Variants in MTERF4 observed in about 807,000 individuals in gnomAD.
MTERF4 encodes the protein mitochondrial transcription termination factor 4, also known as transcription termination factor 4, mitochondrial.
Under a neutral mutation model 22.5 loss-of-function variants are expected in MTERF4, and 17 were observed. That is an observed-to-expected ratio of 0.75 (90% CI 0.52 to 1.13). The LOEUF is 1.13. Ranked by LOEUF, MTERF4 falls within the 50% of genes most tolerant of loss-of-function variation. The probability of loss-of-function intolerance (pLI) is 0.00; values close to 1 mark genes in which losing one functional copy is unlikely to be tolerated. For missense variants in MTERF4, 420 were observed against 466.8 expected (o/e 0.90, Z 0.92); for synonymous variants, 165 against 175.3 (o/e 0.94, Z 0.47).
chr2:241,049,811 C>T, the MTERF4 span: 2 of 1,611,232 alleles, frequency 1.2e-6, no homozygotes, highest in Admixed American at 1.7e-5. Flanking sequence ...TGTCCCCCGC[C>T]CCCAGCCCTG....
chr2:241,062,762 T>C, the MTERF4 span: 2 of 1,509,058 alleles, frequency 1.3e-6, no homozygotes, highest in Non-Finnish European at 1.8e-6. Context: ...GTGGCCACAT[T>C]GCTTTATTCT....
downstream of MTERF4, chr2:241,070,110 G>A (rs186778143): frequency 1.5e-3 from 2,419 of 1,612,826 alleles, 15 homozygotes; most frequent in African/African-American, 0.018. Context: ...ACCTGCTGCC[G>A]GGACGGCGGT....
chr2:241,055,504 C>A, the MTERF4 span, among the ~76,000 whole-genome samples: 2 of 152,084 alleles, frequency 1.3e-5, no homozygotes, highest in South Asian at 4.2e-4. Context: ...AGGGTGTAGA[C>A]AGTCACAGAA....
the MTERF4 span, chr2:241,065,636 C>A: frequency 1.6e-5 from 25 of 1,580,398 alleles, no homozygotes; most frequent in Non-Finnish European, 2.1e-5. Context: ...CCAGCCCCTG[C>A]CCCTCGAGGG....
chr2:241,076,857 C>T (rs1440863268), intron 4 of MTERF4, among the ~76,000 whole-genome samples: 2 of 152,148 alleles, frequency 1.3e-5, no homozygotes, highest in Non-Finnish European at 2.9e-5. Context: ...TTTGGGAGGC[C>T]GAGGCGGGCG....
Position 241,096,087 on chromosome 2 carries a change from C to T in MTERF4, c.1057G>A (p.Glu353Lys). The T allele has an allele frequency of 2.5e-6, 4 of 1,613,388 alleles. No homozygotes were observed. Among genetic ancestry groups the T allele is most frequent in the Non-Finnish European group, 2.5e-6 (3 of 1,179,698 alleles). Residue 353 changes from glutamate (E) to lysine (K), a missense_variant, in exon 4 of 4, where the codon GAG becomes AAG. Glu to Lys is a moderately conservative substitution (Grantham distance 56). Coordinates refer to ENST00000391980, the MANE Select transcript of MTERF4 (RefSeq NM_182501.4). The surrounding 1 kb of genome is among the most constrained non-coding windows in gnomAD (Gnocchi z 5.1). ...EDDDDEEDND[E>K]DDNDEDDDDE... ...TCGTCATCCTCATCATTGTCATCCT[C>T]ATCATTGTCCTCCTCATCATCGTCA...
Position 241,081,638 on chromosome 2 carries a change from G to A in MTERF4, n.480-5956C>T, listed in dbSNP as rs752958780. On this transcript the variant is annotated intron_variant and non_coding_transcript_variant, in intron 4 of 4. Transcript: ENST00000464344. ...ATGTCCATGAGGCAGGCCTGTCCTGGGGTTCCAGTGACTAACCTCTCGTGA... is the reference window on the plus strand; with the variant it reads ...ATGTCCATGAGGCAGGCCTGTCCTGAGGTTCCAGTGACTAACCTCTCGTGA... The A allele has an allele frequency of 3.4e-5, 49 of 1,451,862 alleles. No individual in the cohort carries two copies. The South Asian group carries it at 5.0e-4, about 15-fold the overall frequency. 89.9% of individuals were successfully genotyped at this position (1,451,862 alleles called of 1,614,324 possible).
chr2:241,087,609 C>T (rs534868158), downstream of MTERF4: 16 of 1,446,118 alleles, frequency 1.1e-5, no homozygotes, highest in East Asian at 4.1e-4. Context: ...TAGGCAGCCC[C>T]TGGGCAGCCA....
chr2:241,093,184 A>G (rs939539931), downstream of MTERF4: 9 of 152,650 alleles, frequency 5.9e-5, no homozygotes, highest in Admixed American at 5.9e-4. Context: ...TGAGAGCAGA[A>G]GGTGGAGCTC....
In MTERF4 at chr2:241,099,461, A is replaced by G; in HGVS notation, c.455T>C (p.Leu152Ser). ...CVVLKKSPQL[L>S]KLPIMQMRKR... Reference sequence around the variant, plus strand: ...CCTCATTTGCATAATAGGCAGTTTCAATAACTGGGGACTTTTCTTCAAGAC... The same window carrying G: ...CCTCATTTGCATAATAGGCAGTTTCGATAACTGGGGACTTTTCTTCAAGAC... The change falls in exon 2 of 4, where the codon TTG (leucine) becomes TCG (serine). Residue 152 changes from leucine to serine, a missense_variant. By Grantham distance (145) the Leu-to-Ser change is moderately radical (BLOSUM62 -2). Coordinates refer to ENST00000391980, the MANE Select transcript of MTERF4 (RefSeq NM_182501.4). 6.2e-7 allele frequency: 1 copy of G among 1,614,220 alleles called. No homozygotes were observed. Among genetic ancestry groups the G allele is most frequent in the Non-Finnish European group, 8.5e-7 (1 of 1,180,044 alleles).
chr2:241,079,690 C>T lies in MTERF4; in HGVS notation n.480-4008G>A, dbSNP rs1396548693. Among the ~76,000 whole-genome samples, 3 of 152,048 alleles carry T rather than the reference C, an allele frequency of 2.0e-5. 1 individual carries two copies. Among genetic ancestry groups the T allele is most frequent in the South Asian group, 4.1e-4 (2 of 4,822 alleles). On this transcript the variant is annotated intron_variant and non_coding_transcript_variant, in intron 4 of 4. Coordinates refer to the MTERF4 transcript ENST00000464344. The stretch of plus-strand genomic sequence containing the variant: ...AAAGGCAACACCTAAAAATTGAAAA[C>T]ATACTGAAATAAGTAAACCTAGTTA...
At chr2:241,042,631 T>C in the MTERF4 span, among the ~76,000 whole-genome samples, 7 of 152,180 alleles carry the variant, frequency 4.6e-5, 1 homozygote, top group South Asian at 1.5e-3. Context: ...TATGCTCCTA[T>C]AATCAAGATT....
chr2:241,065,022 A>G, the MTERF4 span: 17 of 1,261,976 alleles, frequency 1.3e-5, no homozygotes, highest in East Asian at 3.5e-4. Flanking sequence ...AGAGGGCCCA[A>G]CGGTCTCCAA....
chr2:241,079,649 A>C (rs561942800), intron 4 of MTERF4, among the ~76,000 whole-genome samples: 5 of 152,282 alleles, frequency 3.3e-5, no homozygotes, highest in East Asian at 1.9e-4. Flanking sequence ...AAAAGGTTTT[A>C]AAAACAATAA....
In MTERF4 at chr2:241,075,766, C is replaced by T. The variant is rs2062989894; in HGVS notation, n.480-84G>A. 6.6e-6 allele frequency: 1 copy of T among 152,082 alleles called. No individual in the cohort carries two copies. The highest frequency in any genetic ancestry group is 6.6e-5 in the Admixed American group (1 of 15,262). 9.4% of individuals were successfully genotyped at this position (152,082 alleles called of 1,614,324 possible). On this transcript the variant is annotated intron_variant and non_coding_transcript_variant, in intron 4 of 4. Transcript: ENST00000464344. This position sits in a 1 kb window ranked among gnomAD's most constrained non-coding sequence, Gnocchi z 4.8. The stretch of plus-strand genomic sequence containing the variant: ...GCCTTCTTTAAAAAATATCCTTCCC[C>T]ACACCAAAGTTAGAAAGTTATTCAT...
chr2:241,090,013 A>C (rs1575154119), downstream of MTERF4: 2 of 1,548,692 alleles, frequency 1.3e-6, no homozygotes, highest in Non-Finnish European at 1.7e-6. Flanking sequence ...TGGAATGCGC[A>C]GGACTGGCAG....
At chr2:241,063,972 C>T in the MTERF4 span, 1 of 1,428,200 alleles carries the variant, frequency 7.0e-7, no homozygotes, top group South Asian at 1.2e-5. Context: ...CCCCAGACTC[C>T]CCCCTTGCAG....
At chr2:241,065,622 C>G in the MTERF4 span, 1 of 1,601,604 alleles carries the variant, frequency 6.2e-7, no homozygotes, top group Non-Finnish European at 8.5e-7. Flanking sequence ...CTGGCCGTCC[C>G]TGCCCAGCCC....
rs532715100 is a variant in MTERF4, at chr2:241,075,073, G to A, written n.1089C>T. The A allele has an allele frequency of 8.5e-5, 13 of 152,308 alleles. No individual in the cohort carries two copies. The highest frequency in any genetic ancestry group is 3.9e-4 in the East Asian group (2 of 5,186). The allele number at this position is 152,308 out of a possible 1,614,324, so 9.4% of individuals were successfully genotyped here. Reference sequence around the variant, plus strand: ...TTCTCGGACTGAGGTTGGCCCATGCGGTCTGGGCGGCTGCGGCTTATTCAC... The same window carrying A: ...TTCTCGGACTGAGGTTGGCCCATGCAGTCTGGGCGGCTGCGGCTTATTCAC... On this transcript the variant is annotated non_coding_transcript_exon_variant, in exon 5 of 5. Coordinates refer to the MTERF4 transcript ENST00000464344. The surrounding 1 kb of genome is among the most constrained non-coding windows in gnomAD (Gnocchi z 4.8).
Sources: gnomAD v4.1 joint callset for allele counts (sites outside exome capture counted in the v4.1 genomes callset) on GRCh38, gnomAD v4.1.1 for gene constraint, Gnocchi (gnomAD v3.1) non-coding constraint, MANE v1.5 for transcripts, NCBI Gene and HGNC (gene_info 2026-07-23, HGNC 2026-07-21) for gene names.